The following TACC2 variants were observed in gnomAD, a reference collection of about 807,000 sequenced individuals.
TACC2 encodes the protein transforming acidic coiled-coil-containing protein 2.
A neutral mutation model predicts 227.3 loss-of-function variants in TACC2; 137 were observed. The observed-to-expected ratio is 0.60, with a 90% CI of 0.52 to 0.69. The LOEUF is 0.69. Ranked by LOEUF, TACC2 falls within the 30% of genes least tolerant of loss-of-function variation. TACC2 has a pLI of 0.00. For synonymous variants in TACC2, 1,523 were observed against 1,487.5 expected (o/e 1.02, Z -0.55); for missense variants, 3,470 against 3,694.4 (o/e 0.94, Z 1.57).
intron 7 of TACC2, among the ~76,000 whole-genome samples, chr10:122,155,833 ATTTTTTTTTTTTTTT>A (rs66559186): frequency 8.5e-6 from 1 of 118,304 alleles, no homozygotes; most frequent in African/African-American, 3.3e-5. Flanking sequence ...TAGTGGGAAA[ATTTTTTTTTTTTTTT>A]TTTTTTTGAG....
intron 22 of TACC2, 58 bp downstream of exon 22, chr10:122,249,722 G>C: frequency 6.4e-7 from 1 of 1,557,636 alleles, no homozygotes; most frequent in South Asian, 1.2e-5. Flanking sequence ...CTGTGCTGCT[G>C]GCCAGTCCAG....
In TACC2 at chr10:122,229,460, C is replaced by T; in HGVS notation, c.8011C>T (p.Pro2671Ser). Residue 2671 changes from proline (P) to serine (S), a missense_variant, in exon 15 of 23, where the codon CCC becomes TCC. Pro to Ser is a moderately conservative substitution (Grantham distance 74). This residue lies in a region of TACC2 where 345 missense variants were observed against 354.4 expected (regional missense o/e 0.97). Transcript: ENST00000369005. ...GGAGCCCGACTTAGCAGAAAAGAAC[C>T]CCCCACTATTCGCTCAGAAACTCCA... ...YLEPDLAEKN[P>S]PLFAQKLQEE... The T allele has an allele frequency of 6.2e-7, 1 of 1,613,970 alleles. No individual in the cohort carries two copies. The highest frequency in any genetic ancestry group is 8.5e-7 in the Non-Finnish European group (1 of 1,179,994).
chr10:122,004,147 C>A (rs945171009), intron 1 of TACC2, among the ~76,000 whole-genome samples: 5 of 151,882 alleles, frequency 3.3e-5, no homozygotes, highest in Admixed American at 3.3e-4. Flanking sequence ...CCTCTAATTC[C>A]AGCACTTTGG....
At chr10:122,017,217 T>C (rs1956766551) in intron 1 of TACC2, among the ~76,000 whole-genome samples, 1 of 151,922 alleles carries the variant, frequency 6.6e-6, no homozygotes, top group African/African-American at 2.4e-5. Context: ...GGCCGCAGAG[T>C]TGACAGTTTC....
At chr10:122,060,062 A>G (rs2136384776) in intron 3 of TACC2, among the ~76,000 whole-genome samples, 1 of 152,318 alleles carries the variant, frequency 6.6e-6, no homozygotes, top group African/African-American at 2.4e-5. Context: ...GCAGACATGG[A>G]AGACCTAGGG....
At chr10:122,152,218 A>T (rs2139517224) in intron 7 of TACC2, among the ~76,000 whole-genome samples, 1 of 152,306 alleles carries the variant, frequency 6.6e-6, no homozygotes, top group African/African-American at 2.4e-5. Flanking sequence ...CTTGCTGAGC[A>T]TCATTTCCTG....
At chr10:122,152,537 T>C (rs1414774477) in intron 7 of TACC2, among the ~76,000 whole-genome samples, 2 of 152,250 alleles carry the variant, frequency 1.3e-5, no homozygotes, top group Admixed American at 6.5e-5. Flanking sequence ...GCTGCAGTGA[T>C]ACTCTATTCC....
intron 8 of TACC2, among the ~76,000 whole-genome samples, chr10:122,202,792 C>T (rs2094915726): frequency 6.7e-6 from 1 of 150,212 alleles, no homozygotes; most frequent in Admixed American, 6.6e-5. Flanking sequence ...TTTTCCTAGG[C>T]AGAGGACCCT....
intron 8 of TACC2, among the ~76,000 whole-genome samples, chr10:122,200,404 C>T (rs563484237): frequency 6.6e-6 from 1 of 151,856 alleles, no homozygotes; most frequent in South Asian, 2.1e-4. Flanking sequence ...AGGACGGGCA[C>T]CTCACCTGCC....
At chr10:122,068,121 C>G (rs1202539699) in intron 3 of TACC2, among the ~76,000 whole-genome samples, 1 of 151,980 alleles carries the variant, frequency 6.6e-6, no homozygotes, top group Non-Finnish European at 1.5e-5. Flanking sequence ...TTAATTTCAC[C>G]CAGTGGGTTT....
intron 16 of TACC2, among the ~76,000 whole-genome samples, chr10:122,232,666 G>C (rs2095781219): frequency 6.6e-6 from 1 of 152,190 alleles, no homozygotes. Flanking sequence ...ATTACCTGGT[G>C]ATGTTGGCCT....
intron 7 of TACC2, among the ~76,000 whole-genome samples, chr10:122,172,457 C>T (rs1289554236): frequency 1.3e-5 from 2 of 152,174 alleles, no homozygotes; most frequent in African/African-American, 4.8e-5. Flanking sequence ...TCCAGCCTCT[C>T]ACGGTGACTC....
rs1293120450 is a variant in TACC2, at chr10:122,218,341, A to G, written c.7546+1513A>G. Among the ~76,000 whole-genome samples, 4 of 152,092 alleles carry G rather than the reference A, an allele frequency of 2.6e-5. No homozygotes were observed. In the East Asian group the frequency reaches 5.8e-4, roughly 22 times the overall value. On this transcript the variant is annotated intron_variant, in intron 11 of 22. Coordinates refer to ENST00000369005, the MANE Select transcript of TACC2 (RefSeq NM_206862.4). ...TTTTTGCTGCTAATAAGAGACTAAG[A>G]TCTCCTTTAAACGGCTTCCTCCCTG...
chr10:122,097,884 C>G (rs1168150786), intron 5 of TACC2, among the ~76,000 whole-genome samples: 1 of 152,106 alleles, frequency 6.6e-6, no homozygotes, highest in Non-Finnish European at 1.5e-5. Flanking sequence ...ATCCCCACAG[C>G]CAGCTCAGCA....
rs11816113 is a variant in TACC2, at chr10:122,111,845, C to A, written c.5574-20764C>A. Among the ~76,000 whole-genome samples, 1,378 of 152,164 alleles carry A rather than the reference C, an allele frequency of 9.1e-3. 22 individuals are homozygous for A. Among genetic ancestry groups the A allele is most frequent in the African/African-American group, 0.032 (1,312 of 41,514 alleles). ...AGCAGATGGTATACATTTAAACTAG[C>A]CTATTTGGGTCTCAGTTATCATACT... On this transcript the variant is annotated intron_variant, in intron 5 of 22. Coordinates refer to ENST00000369005, the MANE Select transcript of TACC2 (RefSeq NM_206862.4).
At chr10:122,004,752 A>T (rs1295916136) in intron 1 of TACC2, among the ~76,000 whole-genome samples, 5 of 152,170 alleles carry the variant, frequency 3.3e-5, no homozygotes, top group African/African-American at 1.2e-4. Context: ...TAGTAATAAA[A>T]CTGGCTCTAC....
chr10:122,217,422 TTTTC>T lies in TACC2; in HGVS notation c.7546+602_7546+605del, dbSNP rs202154557. Among the ~76,000 whole-genome samples the T allele has an allele frequency of 3.1e-3, 465 of 149,496 alleles. 4 individuals are homozygous for T. The highest frequency in any genetic ancestry group is 9.9e-3 in the African/African-American group (407 of 41,014). ...TATATTCAATTTCAGTGTTTTTTCT[TTTTC>T]TTTCTTTTTTCTTTTTTTTTTTTTT... is the stretch of plus-strand genomic sequence containing the variant. On this transcript the variant is annotated intron_variant, in intron 11 of 22. Transcript: ENST00000369005.
intron 3 of TACC2, among the ~76,000 whole-genome samples, chr10:122,064,148 CGA>C (rs1565193194): frequency 2.6e-5 from 4 of 151,838 alleles, no homozygotes; most frequent in African/African-American, 9.7e-5. Context: ...GGTGACAGAG[CGA>C]GACTCTGTCT....
chr10:122,163,618 G>A lies in TACC2; in HGVS notation c.5834+19912G>A, dbSNP rs1199878764. The stretch of plus-strand genomic sequence containing the variant: ...GGGGGTTTAAGAGAAGAGCCTTTCG[G>A]ACCACACCGGCGCTCACGCTCATAC... On this transcript the variant is annotated intron_variant, in intron 7 of 22. Transcript: ENST00000369005. 7 of 1,021,406 alleles carry A rather than the reference G, an allele frequency of 6.9e-6. No individual in the cohort carries two copies. In the East Asian group the frequency reaches 6.5e-4, roughly 95 times the overall value. 63.3% of individuals were successfully genotyped at this position (1,021,406 alleles called of 1,614,324 possible).
Sources: gnomAD v4.1 joint callset for allele counts (sites outside exome capture counted in the v4.1 genomes callset) on GRCh38, gnomAD v4.1.1 for gene constraint, gnomAD v4.1.1 regional missense constraint, MANE v1.5 for transcripts, NCBI Gene and HGNC (gene_info 2026-07-23, HGNC 2026-07-21) for gene names.